The following FRK variants were observed in gnomAD, a reference collection of about 807,000 sequenced individuals.
The protein encoded by FRK is tyrosine-protein kinase FRK.
In FRK, 51 loss-of-function variants were observed where a neutral mutation model predicts 56.4. The observed-to-expected ratio is 0.90, with a 90% CI of 0.72 to 1.14. The LOEUF is 1.14. FRK is among the 50% of genes most tolerant of loss of function. The pLI is 0.00. For synonymous variants in FRK, 245 were observed against 217.9 expected (o/e 1.12, Z -1.10); for missense variants, 570 against 601.4 (o/e 0.95, Z 0.55).
In FRK at chr6:115,940,109, A is replaced by G. The variant is rs2114499396; in HGVS notation, c.*2305T>C. On this transcript the variant is annotated 3_prime_UTR_variant, in exon 8 of 8. Transcript: ENST00000606080. ...ACAAGGCTACAGTAAACAAAACAGC[A>G]TGGTAGTGGTACCAAAACAGATATC... 6.6e-6 allele frequency: 1 copy of G among 152,404 alleles called. No individual in the cohort carries two copies. Among genetic ancestry groups the G allele is most frequent in the South Asian group, 2.1e-4 (1 of 4,834 alleles). The allele number at this position is 152,404 out of a possible 1,614,324, so 9.4% of individuals were successfully genotyped here.
intron 2 of FRK, among the ~76,000 whole-genome samples, chr6:115,970,913 C>T (rs1773785170): frequency 6.6e-6 from 1 of 152,036 alleles, no homozygotes; most frequent in Admixed American, 6.6e-5. Context: ...CAGAACAAGA[C>T]TGTCTCTAAA....
the FRK span, among the ~76,000 whole-genome samples, chr6:116,095,480 G>A: frequency 6.6e-6 from 1 of 152,150 alleles, no homozygotes; most frequent in African/African-American, 2.4e-5. Context: ...CAAAAGTAAA[G>A]TTTGCTAAAA....
the FRK span, among the ~76,000 whole-genome samples, chr6:116,085,701 CGTGTGTGTGTGGGT>C: frequency 6.6e-6 from 1 of 151,602 alleles, no homozygotes; most frequent in African/African-American, 2.4e-5. Context: ...ATGCACAGGC[CGTGTGTGTGTGGGT>C]GTGTGTGTGT....
chr6:116,070,611 A>C, the FRK span, among the ~76,000 whole-genome samples: 1 of 152,176 alleles, frequency 6.6e-6, no homozygotes, highest in African/African-American at 2.4e-5. Flanking sequence ...TGCAAGAAGA[A>C]GAAAAAAAAG....
intron 2 of FRK, among the ~76,000 whole-genome samples, chr6:115,981,704 C>T (rs559076248): frequency 9.9e-5 from 15 of 152,052 alleles, no homozygotes; most frequent in South Asian, 4.2e-4. Flanking sequence ...AGGTAACAAA[C>T]GGTAATTAAA....
intron 2 of FRK, among the ~76,000 whole-genome samples, chr6:115,976,480 T>C (rs575523690): frequency 3.3e-5 from 5 of 152,274 alleles, no homozygotes; most frequent in African/African-American, 1.2e-4. Flanking sequence ...GTGAAAAACA[T>C]TGGTATAACA....
chr6:115,958,496 CAGGTGCCTGT>C (rs969458992), intron 4 of FRK, among the ~76,000 whole-genome samples: 29 of 151,770 alleles, frequency 1.9e-4, no homozygotes, highest in Middle Eastern at 3.4e-3. Flanking sequence ...GGCATGGTGT[CAGGTGCCTGT>C]AATCCCAGCT....
rs1772201369 is a variant in FRK, at chr6:115,941,938, A to C, written c.*476T>G. 1 of 153,684 alleles carries C rather than the reference A, an allele frequency of 6.5e-6. No homozygotes were observed. The highest frequency in any genetic ancestry group is 2.4e-5 in the African/African-American group (1 of 41,460). 9.5% of individuals were successfully genotyped at this position (153,684 alleles called of 1,614,324 possible). A position where few individuals can be genotyped will look rare whatever the true frequency, so the allele number is the denominator to read the frequency against. ...TTACAGGATATTTTAAAAGAGAAAA[A>C]AAAATCTCAAAGCACAGGTCCTGCT... On this transcript the variant is annotated 3_prime_UTR_variant, in exon 8 of 8. Transcript: ENST00000606080.
intron 1 of FRK, among the ~76,000 whole-genome samples, chr6:116,023,913 A>C (rs895195512): frequency 2.0e-5 from 3 of 152,158 alleles, no homozygotes; most frequent in Non-Finnish European, 4.4e-5. Flanking sequence ...TCAAAGCTAC[A>C]TTTAATTTTA....
the FRK span, among the ~76,000 whole-genome samples, chr6:116,088,575 C>G: frequency 6.6e-6 from 1 of 152,184 alleles, no homozygotes; most frequent in Admixed American, 6.5e-5. Context: ...GTGATATGTA[C>G]TATGTCATTT....
At chr6:116,090,412 A>G in the FRK span, among the ~76,000 whole-genome samples, 2 of 152,218 alleles carry the variant, frequency 1.3e-5, no homozygotes, top group Non-Finnish European at 2.9e-5. Flanking sequence ...ATCATAGTAC[A>G]TACATCTTCT....
chr6:116,077,143 A>T, the FRK span, among the ~76,000 whole-genome samples: 8 of 152,258 alleles, frequency 5.3e-5, no homozygotes, highest in Admixed American at 3.9e-4. Flanking sequence ...ACTCCATTTT[A>T]CATGTTTTTA....
chr6:116,085,713 GGTGTGT>G, the FRK span, among the ~76,000 whole-genome samples: 3 of 149,288 alleles, frequency 2.0e-5, no homozygotes, highest in African/African-American at 7.3e-5. Context: ...TGTGTGTGTG[GGTGTGT>G]GTGTGTGTGT....
the FRK span, among the ~76,000 whole-genome samples, chr6:116,084,411 C>T: frequency 5.3e-5 from 8 of 152,144 alleles, no homozygotes; most frequent in Admixed American, 1.3e-4. Context: ...GGTCTGCAGT[C>T]GGTTCACAGT....
intron 2 of FRK, among the ~76,000 whole-genome samples, chr6:115,993,933 A>AT (rs1399056583): frequency 1.3e-5 from 2 of 151,934 alleles, no homozygotes; most frequent in African/African-American, 4.8e-5. Flanking sequence ...GTATTCTGAG[A>AT]TTTCAAATCA....
At chr6:115,949,050 C>CA (rs1275973785) in intron 5 of FRK, among the ~76,000 whole-genome samples, 1 of 152,176 alleles carries the variant, frequency 6.6e-6, no homozygotes, top group African/African-American at 2.4e-5. Flanking sequence ...GTAGCAACTG[C>CA]AAAAGGGAGT....
intron 1 of FRK, among the ~76,000 whole-genome samples, chr6:116,020,274 C>T (rs1775816902): frequency 6.6e-6 from 1 of 151,912 alleles, no homozygotes; most frequent in African/African-American, 2.4e-5. Flanking sequence ...CTTCTTTTGT[C>T]CTAGATCAAT....
the FRK span, among the ~76,000 whole-genome samples, chr6:116,083,822 G>A: frequency 2.1e-5 from 3 of 139,558 alleles, no homozygotes; most frequent in African/African-American, 7.4e-5. Context: ...ACCATGCCCA[G>A]CTAATTTTTT....
At chr6:116,098,100 CTT>C in the FRK span, among the ~76,000 whole-genome samples, 6 of 84,268 alleles carry the variant, frequency 7.1e-5, no homozygotes, top group African/African-American at 1.3e-4. Context: ...TTACAGACAG[CTT>C]TTTTTTTTTT....
Sources: allele counts gnomAD v4.1 joint callset (sites outside exome capture counted in the v4.1 genomes callset), GRCh38; gene constraint gnomAD v4.1.1; transcripts MANE v1.5; gene names NCBI Gene and HGNC (gene_info 2026-07-23, HGNC 2026-07-21).